Variants in JAK3 observed in about 807,000 individuals in gnomAD.
The protein encoded by JAK3 is tyrosine-protein kinase JAK3.
JAK3 carries 88 observed loss-of-function variants against 120.8 expected under a neutral mutation model. That is an observed-to-expected ratio of 0.73 (90% CI 0.61 to 0.87). The LOEUF is 0.87. Among genes scored for constraint, JAK3 ranks in the 40% least tolerant of loss-of-function variants. The probability of loss-of-function intolerance (pLI) is 0.00; values close to 1 mark genes in which losing one functional copy is unlikely to be tolerated. For missense variants in JAK3, 1,254 were observed against 1,501.4 expected, an observed-to-expected ratio of 0.84 and a Z score of 2.72; for synonymous variants, 592 against 628.6, an observed-to-expected ratio of 0.94 and a Z score of 0.87.
chr19:17,840,287 A>C lies in JAK3; in HGVS notation c.1197T>G (p.Tyr399Ter). 1 of 1,614,044 alleles carries C rather than the reference A, an allele frequency of 6.2e-7. No homozygotes were observed. Among genetic ancestry groups the C allele is most frequent in the Non-Finnish European group, 8.5e-7 (1 of 1,180,018 alleles). ...AGTCCTGGGGGCTGCGGCGGAGAAC[A>C]TAGGAGCCAGGACGTGAGCCCCCAG... The part of the protein sequence containing the change: ...LKTGGSRPGS[Y>*]VLRRSPQDFD... Residue 399 changes from tyrosine to a stop codon, truncating the protein, a stop_gained, in exon 9 of 24, where the codon TAT (tyrosine) becomes TAG (stop). Transcript: ENST00000458235. LOFTEE classifies it high-confidence loss of function.
intron 23 of JAK3, among the ~76,000 whole-genome samples, chr19:17,829,203 C>T (rs567457906): frequency 1.7e-4 from 26 of 152,120 alleles, no homozygotes; most frequent in Non-Finnish European, 3.1e-4. Flanking sequence ...CTTGCTCTGT[C>T]GCCCAGGCTG....
intron 23 of JAK3, chr19:17,829,775 A>AAAG: frequency 2.2e-6 from 1 of 460,128 alleles, no homozygotes; most frequent in South Asian, 4.7e-5. Flanking sequence ...AAGAAAGAAA[A>AAAG]AAAAAAACCA....
At chr19:17,833,214 A>C (rs1420873156) in intron 17 of JAK3, among the ~76,000 whole-genome samples, 1 of 152,218 alleles carries the variant, frequency 6.6e-6, no homozygotes, top group Non-Finnish European at 1.5e-5. Context: ...CTGCTATGAA[A>C]TGTGGCCACA....
chr19:17,847,481 G>A (rs918800807), intron 1 of JAK3, among the ~76,000 whole-genome samples: 2 of 152,032 alleles, frequency 1.3e-5, no homozygotes, highest in Non-Finnish European at 2.9e-5. Flanking sequence ...TGGAGGTCTG[G>A]CTATGTTGCC....
chr19:17,843,700 G>T lies in JAK3; in HGVS notation c.308+77C>A, dbSNP rs527534428. On this transcript the variant is annotated intron_variant, in intron 3 of 23. Coordinates refer to ENST00000458235, the MANE Select transcript of JAK3 (RefSeq NM_000215.4). The surrounding 1 kb of genome is among the most constrained non-coding windows in gnomAD (Gnocchi z 5.4). ...TGGGTAGTGACCATACCTCCCTGGG[G>T]CAGGGGTGTGGGCACCTCGAAATGC... 62 of 1,545,996 alleles carry T rather than the reference G, an allele frequency of 4.0e-5. No individual in the cohort carries two copies. In the East Asian group the frequency reaches 1.3e-3, roughly 34 times the overall value.
intron 8 of JAK3, 117 bp from the exon 9 acceptor site, chr19:17,840,458 C>A: frequency 1.4e-6 from 1 of 723,284 alleles, no homozygotes; most frequent in Non-Finnish European, 2.4e-6. Context: ...TGACACCCTC[C>A]CCCCATTTAT....
Position 17,830,588 on chromosome 19 carries a change from A to C in JAK3, c.3011T>G (p.Phe1004Cys). 1 of 1,613,440 alleles carries C rather than the reference A, an allele frequency of 6.2e-7. No homozygotes were observed. Among genetic ancestry groups the C allele is most frequent in the Non-Finnish European group, 8.5e-7 (1 of 1,179,852 alleles). ...GCTCCAGACGTCTGACTGGCGAGAG[A>C]AGATGTTGTCCGAGAGGGATTCGGG... ...YAPESLSDNI[F>C]SRQSDVWSFG... Residue 1004 changes from phenylalanine (F) to cysteine (C), a missense_variant, in exon 22 of 24, where the codon TTC becomes TGC. Phe to Cys is a radical substitution (Grantham distance 205). This residue lies in a region of JAK3 where 630 missense variants were observed against 819.8 expected (regional missense o/e 0.77). Coordinates refer to ENST00000458235, the MANE Select transcript of JAK3 (RefSeq NM_000215.4).
chr19:17,826,810 C>G lies in JAK3; in HGVS notation c.3308G>C (p.Arg1103Pro), dbSNP rs757920411. 1 of 1,614,094 alleles carries G rather than the reference C, an allele frequency of 6.2e-7. No homozygotes were observed. Among genetic ancestry groups the G allele is most frequent in the Non-Finnish European group, 8.5e-7 (1 of 1,180,014 alleles). ...PQLDMLWSGS[R>P]GCETHAFTAH... is the part of the protein sequence containing the mutation. The stretch of plus-strand genomic sequence containing the variant: ...AGTGAAGGCATGAGTCTCACACCCC[C>G]GGCTTCCGCTCCACAGCATGTCCAG... The change falls in exon 24 of 24, where the codon CGG becomes CCG. Residue 1103 changes from arginine (R) to proline (P), a missense_variant. Transcript: ENST00000458235.
chr19:17,834,893 T>C lies in JAK3; in HGVS notation c.2158A>G (p.Ser720Gly), dbSNP rs905946477. ...GFGATVWEVF[S>G]GVTMPISALD... is the part of the protein sequence containing the mutation. ...GCACTGATGGGCATGGTGACGCCAC[T>C]AAACACTTCCCAGACCGTGGCGCCG... The change falls in exon 16 of 24, where the codon AGT becomes GGT. Residue 720 changes from serine (S) to glycine (G), a missense_variant. This residue lies in a region of JAK3 where 630 missense variants were observed against 819.8 expected (regional missense o/e 0.77). Transcript: ENST00000458235. The C allele has an allele frequency of 4.3e-6, 7 of 1,614,120 alleles. No homozygotes were observed. The highest frequency in any genetic ancestry group is 4.0e-5 in the African/African-American group (3 of 75,034).
At chr19:17,840,668 CAGG>C (rs2094236141) in intron 8 of JAK3, among the ~76,000 whole-genome samples, 1 of 151,162 alleles carries the variant, frequency 6.6e-6, no homozygotes, top group African/African-American at 2.4e-5. Context: ...GAGGCTGAGG[CAGG>C]AGAATGGCGT....
In JAK3 at chr19:17,840,313, T is replaced by A. The variant is rs148184068; in HGVS notation, c.1171A>T (p.Thr391Ser). Residue 391 changes from threonine to serine, a missense_variant, in exon 9 of 24, where the codon ACT becomes TCT. Thr to Ser is a moderately conservative substitution (Grantham distance 58, BLOSUM62 1). Transcript: ENST00000458235. ...TLDFAINKLK[T>S]GGSRPGSYVL... ...TAGGAGCCAGGACGTGAGCCCCCAG[T>A]CTTGAGCTTGTTGATGGCAAAGTCC... is the stretch of plus-strand genomic sequence containing the variant. 2.5e-6 allele frequency: 4 copies of A among 1,613,604 alleles called. No individual in the cohort carries two copies. In the African/African-American group the frequency reaches 5.3e-5, roughly 22 times the overall value.
intron 23 of JAK3, among the ~76,000 whole-genome samples, chr19:17,827,758 A>C (rs1175370811): frequency 7.8e-6 from 1 of 128,192 alleles, no homozygotes; most frequent in Non-Finnish European, 1.6e-5. Flanking sequence ...AAAAAAAAAA[A>C]ATTACAGGTG....
Position 17,832,468 on chromosome 19 carries a change from C to T in JAK3, c.2680+51G>A, listed in dbSNP as rs752063070. The T allele has an allele frequency of 1.9e-6, 3 of 1,593,180 alleles. No individual in the cohort carries two copies. The highest frequency in any genetic ancestry group is 1.7e-5 in the Admixed American group (1 of 59,950). ...CCTGGCAGGAGGGTAAGAATGTGCACTTTGAAAAGCACCCATACGTCTTGG... is the reference window on the plus strand; with the variant it reads ...CCTGGCAGGAGGGTAAGAATGTGCATTTTGAAAAGCACCCATACGTCTTGG... On this transcript the variant is annotated intron_variant, in intron 19 of 23. Coordinates refer to ENST00000458235, the MANE Select transcript of JAK3 (RefSeq NM_000215.4). This position sits in a 1 kb window ranked among gnomAD's most constrained non-coding sequence, Gnocchi z 4.7.
At chr19:17,836,093 G>A (rs2094223704) in intron 13 of JAK3, 42 bp from the exon 14 acceptor site, 1 of 1,610,416 alleles carries the variant, frequency 6.2e-7, no homozygotes, top group South Asian at 1.1e-5. Context: ...AGACTGAACT[G>A]CACTTGTGTT....
At chr19:17,836,629 C>T in intron 13 of JAK3, 2 of 394,050 alleles carry the variant, frequency 5.1e-6, no homozygotes. Context: ...GAACACCCCT[C>T]TTCCTTTCCT....
chr19:17,841,859 C>A lies in JAK3; in HGVS notation c.862-97G>T. The stretch of plus-strand genomic sequence containing the variant: ...CCAAGCCACACCATCCACTCCCTAT[C>A]CCTTTGCCATTCAACCCTTCCAAGC... On this transcript the variant is annotated intron_variant, in intron 6 of 23. Coordinates refer to ENST00000458235, the MANE Select transcript of JAK3 (RefSeq NM_000215.4). This position sits in a 1 kb window ranked among gnomAD's most constrained non-coding sequence, Gnocchi z 4.1. The A allele has an allele frequency of 1.3e-6, 2 of 1,553,250 alleles. No individual in the cohort carries two copies. Among genetic ancestry groups the A allele is most frequent in the Non-Finnish European group, 1.7e-6 (2 of 1,145,130 alleles).
In JAK3 at chr19:17,844,337, A is replaced by C. The variant is rs1039181282; in HGVS notation, c.81T>G (p.His27Gln). ...CGGGGCCCCGAGCGGGCAGCAGCAC[A>C]TGCAGGGCACCAGCCTCCGTGGACA... ...SLLSTEAGAL[H>Q]VLLPARGPGP... Residue 27 changes from histidine (H) to glutamine (Q), a missense_variant, in exon 2 of 24, where the codon CAT (histidine) becomes CAG (glutamine). Physicochemically the swap from His to Gln is conservative, Grantham distance 24 (BLOSUM62 0). Transcript: ENST00000458235. 4.3e-6 allele frequency: 7 copies of C among 1,611,620 alleles called. No individual in the cohort carries two copies. The East Asian group carries it at 1.3e-4, about 31-fold the overall frequency.
intron 2 of JAK3, 67 bp downstream of exon 2, chr19:17,844,167 G>C: frequency 6.8e-7 from 1 of 1,475,600 alleles, no homozygotes; most frequent in Non-Finnish European, 9.2e-7. Flanking sequence ...AACTATTCCA[G>C]CTTCCAATCT....
In JAK3 at chr19:17,841,475, G is replaced by T. The variant is rs1171358374; in HGVS notation, c.1056C>A (p.Thr352=). 5 of 1,562,750 alleles carry T rather than the reference G, an allele frequency of 3.2e-6. No homozygotes were observed. In the African/African-American group the frequency reaches 5.4e-5, roughly 17 times the overall value. The change falls in exon 8 of 24, where the codon ACC becomes ACA. Residue 352 remains threonine, a synonymous_variant. Coordinates refer to ENST00000458235, the MANE Select transcript of JAK3 (RefSeq NM_000215.4). This position sits in a 1 kb window ranked among gnomAD's most constrained non-coding sequence, Gnocchi z 4.1. The part of the protein sequence containing the change: ...VALVDGYFRL[T]TDSQHFFCKE... ...TGCAGAAGAAGTGCTGGGAGTCCGT[G>T]GTCAGCCGGAAGTAGCCGTCCACGA...
Sources: gnomAD v4.1 joint callset for allele counts (sites outside exome capture counted in the v4.1 genomes callset) on GRCh38, gnomAD v4.1.1 for gene constraint, gnomAD v4.1.1 regional missense constraint, Gnocchi (gnomAD v3.1) non-coding constraint, MANE v1.5 for transcripts, NCBI Gene and HGNC (gene_info 2026-07-23, HGNC 2026-07-21) for gene names.